Variants in POU2F2 observed in about 807,000 individuals in gnomAD.
POU2F2 encodes the protein POU domain, class 2, transcription factor 2.
In POU2F2, 14 loss-of-function variants were observed where a neutral mutation model predicts 63.5. The observed-to-expected ratio is 0.22, with a 90% CI of 0.15 to 0.34. The LOEUF is 0.34. POU2F2 is among the 10% of genes least tolerant of loss of function. The probability of loss-of-function intolerance (pLI) is 1.00; values close to 1 mark genes in which losing one functional copy is unlikely to be tolerated. For synonymous variants in POU2F2, 306 were observed against 348.6 expected (o/e 0.88, Z 1.36); for missense variants, 607 against 815.2 (o/e 0.74, Z 3.11).
At position 42,152,044 on chromosome 19, in the gene POU2F2, G is replaced by A. The variant is rs990400042; in HGVS notation, c.-9+8288C>T. On this transcript the variant is annotated intron_variant, in intron 2 of 6. Transcript: ENST00000524801. The surrounding 1 kb of genome is among the most constrained non-coding windows in gnomAD (Gnocchi z 4.1). The stretch of plus-strand genomic sequence containing the variant: ...CAGACAGTTTTCCCCTTTTGCCCAT[G>A]GCTACAGTGAAGGAGGAGGATTCAC... Among the ~76,000 whole-genome samples the A allele has an allele frequency of 4.1e-4, 63 of 152,258 alleles. No homozygotes were observed. Among genetic ancestry groups the A allele is most frequent in the Non-Finnish European group, 5.9e-5 (4 of 68,022 alleles).
intron 1 of POU2F2, among the ~76,000 whole-genome samples, chr19:42,125,212 A>C (rs1456329756): frequency 6.6e-6 from 1 of 152,062 alleles, no homozygotes; most frequent in Non-Finnish European, 1.5e-5. Context: ...TAAAAAAGTT[A>C]ACCGGACATG....
rs531195546 is a variant in POU2F2 at position 42,117,454 on chromosome 19, C to T, written c.187-22G>A. ...CCACCTGTGAACCAAAGAGAGGGCA[C>T]GTGTGTGGCAATGGCAATCAGGCTG... On this transcript the variant is annotated intron_variant, in intron 4 of 14. Coordinates refer to ENST00000692977, the MANE Select transcript of POU2F2 (RefSeq NM_001394376.1). This position sits in a 1 kb window ranked among gnomAD's most constrained non-coding sequence, Gnocchi z 4.4. The T allele has an allele frequency of 9.6e-6, 9 of 937,332 alleles. No individual in the cohort carries two copies. In the Admixed American group the frequency reaches 9.8e-5, roughly 10 times the overall value. 58.1% of individuals were successfully genotyped at this position (937,332 alleles called of 1,614,324 possible).
chr19:42,195,099 AAGGG>A (rs1307717254), intron 1 of POU2F2, among the ~76,000 whole-genome samples: 63 of 49,776 alleles, frequency 1.3e-3, no homozygotes, highest in African/African-American at 4.1e-3. Flanking sequence ...GGGAGGAAGG[AAGGG>A]AGGGAGGGAG....
intron 2 of POU2F2, among the ~76,000 whole-genome samples, chr19:42,159,604 G>A (rs1482020078): frequency 6.6e-6 from 1 of 152,144 alleles, no homozygotes; most frequent in Non-Finnish European, 1.5e-5. Flanking sequence ...AAACACCAGG[G>A]CAAATGGCCA....
chr19:42,193,086 C>G (rs2035091584), intron 1 of POU2F2, among the ~76,000 whole-genome samples: 1 of 150,772 alleles, frequency 6.6e-6, no homozygotes, highest in South Asian at 2.1e-4. Flanking sequence ...AATAGCCGGG[C>G]GTGGTGGTGG....
At chr19:42,097,913 T>C (rs2076983193) in intron 7 of POU2F2, among the ~76,000 whole-genome samples, 1 of 152,224 alleles carries the variant, frequency 6.6e-6, no homozygotes, top group African/African-American at 2.4e-5. Flanking sequence ...CCAAACAGTG[T>C]ACATTGTACC....
rs575408376 is a variant in POU2F2 at position 42,103,890 on chromosome 19, C to T, written c.370-4069G>A. Among the ~76,000 whole-genome samples the T allele has an allele frequency of 5.9e-5, 9 of 151,376 alleles. No individual in the cohort carries two copies. The East Asian group carries it at 1.8e-3, about 30-fold the overall frequency. On this transcript the variant is annotated intron_variant, in intron 5 of 14. Coordinates refer to ENST00000692977, the MANE Select transcript of POU2F2 (RefSeq NM_001394376.1). Reference sequence around the variant, plus strand: ...CCTCGTGATCCGCCTGCCTCGGCCTCCCAAAGAGCTGGGATTACAGGCATG... The same window carrying T: ...CCTCGTGATCCGCCTGCCTCGGCCTTCCAAAGAGCTGGGATTACAGGCATG...
At chr19:42,176,408 C>T (rs537737691), upstream of POU2F2, among the ~76,000 whole-genome samples, 1 of 152,284 alleles carries the variant, frequency 6.6e-6, no homozygotes, top group African/African-American at 2.4e-5. Flanking sequence ...TGCCTCTTTC[C>T]TCAGCTCTGC....
intron 2 of POU2F2, among the ~76,000 whole-genome samples, chr19:42,157,929 A>G (rs977155472): frequency 6.6e-6 from 1 of 152,064 alleles, no homozygotes; most frequent in Non-Finnish European, 1.5e-5. Context: ...CAGGGCTGGG[A>G]GGGGGTCTCT....
intron 1 of POU2F2, among the ~76,000 whole-genome samples, chr19:42,188,522 T>C (rs939519624): frequency 4.6e-5 from 7 of 151,170 alleles, no homozygotes; most frequent in African/African-American, 1.2e-4. Flanking sequence ...AATACAAAAA[T>C]TAGCCGGGCG....
At chr19:42,174,285 A>C (rs982195252) in intron 1 of POU2F2, among the ~76,000 whole-genome samples, 1 of 152,076 alleles carries the variant, frequency 6.6e-6, no homozygotes, top group African/African-American at 2.4e-5. Context: ...TTTGATGTGC[A>C]CCCTTGTGTG....
In POU2F2 at chr19:42,169,085, G is replaced by A. The variant is rs2034706402; in HGVS notation, c.-70+6878C>T. 6.6e-6 allele frequency among the ~76,000 whole-genome samples: 1 copy of A among 152,130 alleles called. No homozygotes were observed. The stretch of plus-strand genomic sequence containing the variant: ...TATAGAGGCTCAGTACCTATGTGAT[G>A]AGTTAATTAATTCTATACACATTTT... On this transcript the variant is annotated intron_variant, in intron 1 of 6. Transcript: ENST00000524801. This position sits in a 1 kb window ranked among gnomAD's most constrained non-coding sequence, Gnocchi z 4.3.
chr19:42,194,714 ACGCCACTGAAGTCCAG>A (rs2035110980), intron 1 of POU2F2, among the ~76,000 whole-genome samples: 1 of 127,730 alleles, frequency 7.8e-6, no homozygotes, highest in African/African-American at 3.0e-5. Context: ...AGCCGAAATC[ACGCCACTGAAGTCCAG>A]CCTGGGCAAC....
chr19:42,194,459 G>C (rs1185745340), intron 1 of POU2F2, among the ~76,000 whole-genome samples: 1 of 147,572 alleles, frequency 6.8e-6, no homozygotes, highest in Non-Finnish European at 1.5e-5. Context: ...AAGGAAGGGA[G>C]GAAGAAAGAA....
At chr19:42,122,772 C>G (rs1183599007) in intron 1 of POU2F2, among the ~76,000 whole-genome samples, 196 bp from the exon 2 acceptor site, 1 of 152,196 alleles carries the variant, frequency 6.6e-6, no homozygotes, top group East Asian at 1.9e-4. Flanking sequence ...TGAGACACAG[C>G]ACTTAGGCCT....
intron 1 of POU2F2, among the ~76,000 whole-genome samples, chr19:42,194,592 C>T (rs1250687525): frequency 6.6e-6 from 1 of 151,660 alleles, no homozygotes; most frequent in African/African-American, 2.4e-5. Context: ...AACCCCACCT[C>T]TACTAAAAAT....
chr19:42,092,316 C>T lies in POU2F2; in HGVS notation c.1265-46G>A, dbSNP rs756704505. ...GATGGGGTCTTCAGCTTCCACTCGT[C>T]CCCCACTGAGGAACCTGGGGTCAGC... On this transcript the variant is annotated intron_variant, in intron 12 of 14. Transcript: ENST00000692977. The surrounding 1 kb of genome is among the most constrained non-coding windows in gnomAD (Gnocchi z 5.0). The T allele has an allele frequency of 8.4e-6, 12 of 1,429,900 alleles. No homozygotes were observed. The highest frequency in any genetic ancestry group is 3.7e-5 in the South Asian group (3 of 81,704). 88.6% of individuals were successfully genotyped at this position (1,429,900 alleles called of 1,614,324 possible).
At chr19:42,171,963 T>A (rs1177559573) in intron 1 of POU2F2, among the ~76,000 whole-genome samples, 1 of 152,182 alleles carries the variant, frequency 6.6e-6, no homozygotes, top group Non-Finnish European at 1.5e-5. Context: ...TGTATGTGTG[T>A]GTGATTGCAG....
In POU2F2 at chr19:42,106,765, A is replaced by G. The variant is rs1397369881; in HGVS notation, c.370-6944T>C. Reference sequence around the variant, plus strand: ...TCTCTACAAAAAGAAAAAAACAAGAAGGAGGAAGAGGAGAAGGAGGAAGAG... The same window carrying G: ...TCTCTACAAAAAGAAAAAAACAAGAGGGAGGAAGAGGAGAAGGAGGAAGAG... On this transcript the variant is annotated intron_variant, in intron 5 of 14. Coordinates refer to ENST00000692977, the MANE Select transcript of POU2F2 (RefSeq NM_001394376.1). 1.0e-4 allele frequency among the ~76,000 whole-genome samples: 15 copies of G among 148,502 alleles called. No homozygotes were observed. The Admixed American group carries it at 1.0e-3, about 10-fold the overall frequency.
Sources: gnomAD v4.1 joint callset for allele counts (sites outside exome capture counted in the v4.1 genomes callset) on GRCh38, gnomAD v4.1.1 for gene constraint, Gnocchi (gnomAD v3.1) non-coding constraint, MANE v1.5 for transcripts, NCBI Gene and HGNC (gene_info 2026-07-23, HGNC 2026-07-21) for gene names.